The following ACER1 variants were observed in gnomAD, a reference collection of about 807,000 sequenced individuals.
The protein encoded by ACER1 is CTB-180A7.3.
Under a neutral mutation model 24.9 loss-of-function variants are expected in ACER1, and 28 were observed. The observed-to-expected ratio is 1.13, with a 90% confidence interval of 0.83 to 1.54. The LOEUF is 1.54. Ranked by LOEUF, ACER1 falls within the 40% of genes most tolerant of loss-of-function variation. ACER1 has a pLI of 0.00. For missense variants in ACER1, 352 were observed against 349.3 expected, an observed-to-expected ratio of 1.01 and a Z score of -0.06; for synonymous variants, 132 against 131.4, an observed-to-expected ratio of 1.00 and a Z score of -0.03.
the ACER1 span, among the ~76,000 whole-genome samples, chr19:6,349,986 C>T: frequency 6.6e-6 from 1 of 152,124 alleles, no homozygotes; most frequent in Non-Finnish European, 1.5e-5. Context: ...CAAAAAGTAG[C>T]CCAGTGCGGT....
At chr19:6,333,380 C>A in intron 1 of ACER1, 79 bp downstream of exon 1, 3 of 1,230,054 alleles carry the variant, frequency 2.4e-6, no homozygotes, top group Non-Finnish European at 3.4e-6. Context: ...CAGCAAGATT[C>A]CCCAGTAAGG....
chr19:6,345,413 T>A, the ACER1 span, among the ~76,000 whole-genome samples: 6 of 152,164 alleles, frequency 3.9e-5, no homozygotes, highest in Non-Finnish European at 8.8e-5. Context: ...TTGTTCACTA[T>A]TTCTATTAGT....
At chr19:6,342,170 G>C in the ACER1 span, among the ~76,000 whole-genome samples, 1 of 151,986 alleles carries the variant, frequency 6.6e-6, no homozygotes, top group African/African-American at 2.4e-5. Flanking sequence ...TTTGCACATG[G>C]AATATAAAGT....
chr19:6,314,433 G>A (rs1025615768), intron 1 of ACER1, among the ~76,000 whole-genome samples: 3 of 148,282 alleles, frequency 2.0e-5, no homozygotes, highest in East Asian at 3.9e-4. Context: ...TCACGCCATC[G>A]CACTCCAGCC....
chr19:6,340,768 G>C, the ACER1 span, among the ~76,000 whole-genome samples: 1 of 152,096 alleles, frequency 6.6e-6, no homozygotes, highest in Non-Finnish European at 1.5e-5. Context: ...CAGCCAGGAA[G>C]GTGGGTGGGA....
chr19:6,351,681 T>A, the ACER1 span, among the ~76,000 whole-genome samples: 3 of 151,016 alleles, frequency 2.0e-5, no homozygotes, highest in African/African-American at 4.9e-5. Flanking sequence ...TGCAGTGAGC[T>A]GTGATTGCGC....
intron 4 of ACER1, 58 bp downstream of exon 4, chr19:6,309,639 A>AG: frequency 6.2e-7 from 1 of 1,606,712 alleles, no homozygotes; most frequent in Non-Finnish European, 8.5e-7. Context: ...GCCTGGAGTC[A>AG]GGGGTGCTAG....
chr19:6,307,618 TAAA>T (rs575533649), intron 4 of ACER1, among the ~76,000 whole-genome samples: 2 of 127,480 alleles, frequency 1.6e-5, no homozygotes, highest in African/African-American at 2.9e-5. Flanking sequence ...ACCCCATCTC[TAAA>T]AAAAAAAAAA....
intron 1 of ACER1, among the ~76,000 whole-genome samples, chr19:6,321,627 G>A (rs991687965): frequency 3.3e-5 from 5 of 151,190 alleles, no homozygotes; most frequent in Admixed American, 1.3e-4. Flanking sequence ...TGTTTTGTTT[G>A]AGACAGAGTC....
At chr19:6,324,333 C>T (rs776559211) in intron 1 of ACER1, among the ~76,000 whole-genome samples, 4 of 151,280 alleles carry the variant, frequency 2.6e-5, no homozygotes, top group African/African-American at 9.7e-5. Flanking sequence ...CATGAGCCAC[C>T]GCACTTGGCC....
chr19:6,309,909 G>A (rs1458115025), intron 3 of ACER1, 75 bp from the exon 4 acceptor site: 39 of 1,568,962 alleles, frequency 2.5e-5, no homozygotes, highest in East Asian at 4.6e-5. Flanking sequence ...TGGAGATCCC[G>A]TGGCCCAGGT....
chr19:6,324,825 AAAGGAAGG>A (rs137970337), intron 1 of ACER1, among the ~76,000 whole-genome samples: 3 of 142,944 alleles, frequency 2.1e-5, no homozygotes, highest in Non-Finnish European at 4.5e-5. Flanking sequence ...GGAGAGAAGG[AAAGGAAGG>A]AAGGAAGGAA....
chr19:6,344,685 C>T, the ACER1 span, among the ~76,000 whole-genome samples: 7 of 151,742 alleles, frequency 4.6e-5, no homozygotes, highest in South Asian at 2.1e-4. Flanking sequence ...CGTGAGCCAC[C>T]GCACCTGGCC....
chr19:6,309,934 C>G, intron 3 of ACER1, 100 bp from the exon 4 acceptor site: 3 of 1,482,366 alleles, frequency 2.0e-6, no homozygotes, highest in Non-Finnish European at 1.8e-6. Flanking sequence ...GAGAAAAGGA[C>G]AGGATTCTGG....
intron 1 of ACER1, among the ~76,000 whole-genome samples, chr19:6,323,905 G>T (rs919154495): frequency 3.3e-5 from 5 of 152,136 alleles, no homozygotes; most frequent in Non-Finnish European, 4.4e-5. Flanking sequence ...GCATTCAGGG[G>T]AGAGCTGGGA....
intron 1 of ACER1, among the ~76,000 whole-genome samples, chr19:6,330,949 A>G (rs1266714612): frequency 6.7e-6 from 1 of 149,422 alleles, no homozygotes; most frequent in Non-Finnish European, 1.5e-5. Flanking sequence ...AGTCTCCTGG[A>G]CTCACCAAGT....
intron 1 of ACER1, among the ~76,000 whole-genome samples, chr19:6,326,195 G>T (rs555464877): frequency 6.8e-6 from 1 of 146,408 alleles, no homozygotes; most frequent in African/African-American, 2.5e-5. Context: ...GCACCATCTC[G>T]GCTCACTGCA....
chr19:6,308,717 A>G (rs540165086), intron 4 of ACER1, among the ~76,000 whole-genome samples: 5 of 152,296 alleles, frequency 3.3e-5, no homozygotes, highest in African/African-American at 9.6e-5. Flanking sequence ...AGCAAGAATA[A>G]TATATTTTTT....
the ACER1 span, among the ~76,000 whole-genome samples, chr19:6,346,547 T>C: frequency 7.4e-4 from 110 of 149,410 alleles, 2 homozygotes; most frequent in Non-Finnish European, 1.5e-4. Flanking sequence ...GACAGGGTCT[T>C]GCTCTGTCAC....
Sources: gnomAD v4.1 joint callset for allele counts (sites outside exome capture counted in the v4.1 genomes callset) on GRCh38, gnomAD v4.1.1 for gene constraint, MANE v1.5 for transcripts, NCBI Gene and HGNC (gene_info 2026-07-23, HGNC 2026-07-21) for gene names.